Variants in SLC14A1 observed in about 807,000 individuals in gnomAD.
SLC14A1 encodes urea transporter 1.
A neutral mutation model predicts 39.6 loss-of-function variants in SLC14A1; 36 were observed. The ratio of observed to expected loss-of-function variants is 0.91; its 90% CI spans 0.70 to 1.20. SLC14A1 has a LOEUF of 1.20. Among genes scored for constraint, SLC14A1 ranks in the 50% most tolerant of loss-of-function variants. SLC14A1 has a pLI of 0.00. For synonymous variants in SLC14A1, 164 were observed against 173.6 expected, an observed-to-expected ratio of 0.94 and a Z score of 0.43; for missense variants, 469 against 478.7, an observed-to-expected ratio of 0.98 and a Z score of 0.19.
At chr18:45,727,434 GCAGC>G (rs1568029154) in intron 2 of SLC14A1, 7 of 1,531,784 alleles carry the variant, frequency 4.6e-6, no homozygotes, top group Non-Finnish European at 5.3e-6. Context: ...CTTCCTTCGT[GCAGC>G]CTCTGGCTCG....
chr18:45,738,354 C>T (rs937990835), intron 6 of SLC14A1, among the ~76,000 whole-genome samples: 5 of 152,178 alleles, frequency 3.3e-5, no homozygotes, highest in African/African-American at 1.2e-4. Context: ...CTAATTATGC[C>T]TATCCTAGCC....
chr18:45,752,229 A>G lies in SLC14A1; in HGVS notation c.*2278A>G, dbSNP rs1029198556. The G allele has an allele frequency of 4.1e-6, 4 of 985,382 alleles. No homozygotes were observed. The highest frequency in any genetic ancestry group is 4.8e-6 in the Non-Finnish European group (4 of 829,924). 61.0% of individuals were successfully genotyped at this position (985,382 alleles called of 1,614,324 possible). A position where few individuals can be genotyped will look rare whatever the true frequency, so the allele number is the denominator to read the frequency against. On this transcript the variant is annotated 3_prime_UTR_variant, in exon 10 of 10. Transcript: ENST00000321925. ...GAAAAAAAAGCAAGCATAACCAAAG[A>G]TCATCAGCAGTGAAGAATCTAGGCT...
Position 45,751,564 on chromosome 18 carries a change from G to C in SLC14A1, c.*1613G>C, listed in dbSNP as rs989101158. 1.0e-6 allele frequency: 1 copy of C among 957,744 alleles called. No homozygotes were observed. The highest frequency in any genetic ancestry group is 1.2e-6 in the Non-Finnish European group (1 of 805,034). 59.3% of individuals were successfully genotyped at this position (957,744 alleles called of 1,614,324 possible). On this transcript the variant is annotated 3_prime_UTR_variant, in exon 10 of 10. Coordinates refer to ENST00000321925, the MANE Select transcript of SLC14A1 (RefSeq NM_015865.7). ...AGATGGAGGTAAAAGGATCTCTTGA[G>C]CCCAGGAGTTCAAGACCAGCTTGGG... is the stretch of plus-strand genomic sequence containing the variant.
chr18:45,737,714 G>A (rs946617063), intron 6 of SLC14A1: 3 of 152,224 alleles, frequency 2.0e-5, no homozygotes, highest in African/African-American at 7.2e-5. Flanking sequence ...CTAGCCCCAT[G>A]TGGCTATATA....
chr18:45,750,595 G>C lies in SLC14A1; in HGVS notation c.*644G>C. On this transcript the variant is annotated 3_prime_UTR_variant, in exon 10 of 10. Coordinates refer to ENST00000321925, the MANE Select transcript of SLC14A1 (RefSeq NM_015865.7). ...CTGACAGGACTGCAAGAGGGAGAAA[G>C]GAATTTTGTCAATCAAAATTATTCT... The C allele has an allele frequency of 3.0e-6, 3 of 986,146 alleles. No homozygotes were observed. The highest frequency in any genetic ancestry group is 3.6e-6 in the Non-Finnish European group (3 of 830,512). 61.1% of individuals were successfully genotyped at this position (986,146 alleles called of 1,614,324 possible).
Position 45,731,303 on chromosome 18 carries a change from T to A in SLC14A1, c.341+99T>A, listed in dbSNP as rs1358400610. ...TGATAAAACCACATCCTTCCCAGGATAAACAACATTTAGTCCACAGAACTG... is the reference window on the plus strand; with the variant it reads ...TGATAAAACCACATCCTTCCCAGGAAAAACAACATTTAGTCCACAGAACTG... On this transcript the variant is annotated intron_variant, in intron 4 of 9. Coordinates refer to ENST00000321925, the MANE Select transcript of SLC14A1 (RefSeq NM_015865.7). The A allele has an allele frequency of 3.5e-6, 4 of 1,157,548 alleles. No homozygotes were observed. In the Admixed American group the frequency reaches 5.2e-5, roughly 15 times the overall value. The allele number at this position is 1,157,548 out of a possible 1,614,324, so 71.7% of individuals were successfully genotyped here.
At chr18:45,734,187 T>A (rs757174862) in intron 4 of SLC14A1, 87 bp from the exon 5 acceptor site, 1 of 1,493,418 alleles carries the variant, frequency 6.7e-7, no homozygotes, top group African/African-American at 1.4e-5. Flanking sequence ...AATATGAATA[T>A]GATCTGGAAG....
chr18:45,724,232 T>A lies in SLC14A1; in HGVS notation c.-127T>A, dbSNP rs1453555397. Reference sequence around the variant, plus strand: ...TGTCGTGGAGGTGGGCAAATCTTTATCAGCCACTGCCTTCTGCTGCCAGGA... The same window carrying A: ...TGTCGTGGAGGTGGGCAAATCTTTAACAGCCACTGCCTTCTGCTGCCAGGA... On this transcript the variant is annotated 5_prime_UTR_variant, in exon 1 of 10. Transcript: ENST00000321925. 1 of 152,288 alleles carries A rather than the reference T, an allele frequency of 6.6e-6. No homozygotes were observed. Among genetic ancestry groups the A allele is most frequent in the Non-Finnish European group, 1.5e-5 (1 of 68,082 alleles). The allele number at this position is 152,288 out of a possible 1,614,324, so 9.4% of individuals were successfully genotyped here. A position where few individuals can be genotyped will look rare whatever the true frequency, so the allele number is the denominator to read the frequency against.
At chr18:45,740,858 T>G (rs1452304217) in intron 8 of SLC14A1, among the ~76,000 whole-genome samples, 1 of 152,136 alleles carries the variant, frequency 6.6e-6, no homozygotes, top group African/African-American at 2.4e-5. Flanking sequence ...TCTAACAAGT[T>G]CTCAGGGGGT....
intron 5 of SLC14A1, 69 bp from the exon 6 acceptor site, chr18:45,736,387 G>C (rs1226623524): frequency 3.4e-6 from 5 of 1,486,032 alleles, no homozygotes. Flanking sequence ...AGCCCCTCCA[G>C]AGTATAGCGA....
intron 6 of SLC14A1, 64 bp from the exon 7 acceptor site, chr18:45,739,099 G>A: frequency 6.5e-7 from 1 of 1,549,142 alleles, no homozygotes; most frequent in East Asian, 2.2e-5. Flanking sequence ...GGAGTTTGTG[G>A]GTGTCCTGTG....
At chr18:45,729,022 C>A (rs1257646729) in intron 2 of SLC14A1, 1 of 152,094 alleles carries the variant, frequency 6.6e-6, no homozygotes, top group Non-Finnish European at 1.5e-5. Flanking sequence ...AGTATCTGTT[C>A]ATTGCTATTT....
At position 45,751,755 on chromosome 18, in the gene SLC14A1, C is replaced by G. The variant is rs2047716162; in HGVS notation, c.*1804C>G. 6 of 668,818 alleles carry G rather than the reference C, an allele frequency of 9.0e-6. No homozygotes were observed. Among genetic ancestry groups the G allele is most frequent in the Non-Finnish European group, 1.1e-5 (6 of 542,400 alleles). 41.4% of individuals were successfully genotyped at this position (668,818 alleles called of 1,614,324 possible). On this transcript the variant is annotated 3_prime_UTR_variant, in exon 10 of 10. Coordinates refer to ENST00000321925, the MANE Select transcript of SLC14A1 (RefSeq NM_015865.7). ...TATGATCATGTCACTGCACTCCAGC[C>G]TGTGTGACCGAGCAAGACCCTATCT...
At chr18:45,729,278 AGGT>A (rs999464002) in intron 2 of SLC14A1, 2 of 152,142 alleles carry the variant, frequency 1.3e-5, no homozygotes, top group Non-Finnish European at 2.9e-5. Flanking sequence ...TGCACACTCA[AGGT>A]GGTTTTGCCA....
intron 4 of SLC14A1, 141 bp downstream of exon 4, chr18:45,731,345 G>A (rs2144756901): frequency 1.2e-6 from 1 of 816,302 alleles, no homozygotes; most frequent in South Asian, 1.4e-5. Context: ...TTTGTTTTTA[G>A]TCAGAGGTCA....
Position 45,731,161 on chromosome 18 carries a change from A to C in SLC14A1, c.298A>C (p.Thr100Pro). 2 of 1,614,090 alleles carry C rather than the reference A, an allele frequency of 1.2e-6. No individual in the cohort carries two copies. The highest frequency in any genetic ancestry group is 1.7e-6 in the Non-Finnish European group (2 of 1,179,988). The change falls in exon 4 of 10, where the codon ACA becomes CCA. Residue 100 changes from threonine to proline, a missense_variant. Transcript: ENST00000321925. ...PWWALTGWLG[T>P]VVSTLMALLL... ...GTGGGCTCTCACTGGCTGGCTGGGA[A>C]CAGTGGTCTCCACTCTGATGGCCCT...
intron 8 of SLC14A1, among the ~76,000 whole-genome samples, chr18:45,740,427 ATTTC>A (rs1354795892): frequency 2.0e-5 from 3 of 150,556 alleles, no homozygotes; most frequent in East Asian, 1.9e-4. Flanking sequence ...GGGGAAGAAT[ATTTC>A]TTTTTTTATT....
intron 1 of SLC14A1, among the ~76,000 whole-genome samples, chr18:45,724,488 G>A (rs551462007): frequency 5.9e-5 from 9 of 152,226 alleles, no homozygotes; most frequent in African/African-American, 1.9e-4. Context: ...GCCTTTATTC[G>A]TGATTTCTGA....
intron 1 of SLC14A1, among the ~76,000 whole-genome samples, chr18:45,724,740 G>A (rs1172467277): frequency 1.3e-5 from 2 of 152,220 alleles, no homozygotes; most frequent in Non-Finnish European, 2.9e-5. Flanking sequence ...ACTCCTCTGT[G>A]TGTGCTGTCA....
Sources: allele counts gnomAD v4.1 joint callset (sites outside exome capture counted in the v4.1 genomes callset), GRCh38; gene constraint gnomAD v4.1.1; transcripts MANE v1.5; gene names NCBI Gene and HGNC (gene_info 2026-07-23, HGNC 2026-07-21).